Variants in PTPRD observed in about 807,000 individuals in gnomAD.
PTPRD encodes the protein protein tyrosine phosphatase receptor type D.
A neutral mutation model predicts 214.5 loss-of-function variants in PTPRD; 34 were observed. That is an observed-to-expected ratio of 0.16 (90% CI 0.12 to 0.21). The LOEUF (loss-of-function observed/expected upper bound fraction) is 0.21, where lower values mean the gene tolerates loss of function less well. PTPRD is among the 10% of genes least tolerant of loss of function. PTPRD has a pLI of 1.00. For synonymous variants in PTPRD, 1,128 were observed against 845.7 expected (o/e 1.33, Z -5.79); for missense variants, 2,545 against 2,398.7 (o/e 1.06, Z -1.27).
In PTPRD at chr9:9,576,513, C is replaced by G. The variant is rs183342037; in HGVS notation, c.-286-1732G>C. 2.8e-3 allele frequency among the ~76,000 whole-genome samples: 427 copies of G among 152,096 alleles called. 1 individual carries two copies. Among genetic ancestry groups the G allele is most frequent in the African/African-American group, 9.7e-3 (403 of 41,498 alleles). On this transcript the variant is annotated intron_variant, in intron 7 of 45. Transcript: ENST00000381196. ...GACATTTGTGAAAGGAGAATCCTCTCAAAAAAATCTAGTGTGATTTGAGAT... is the reference window on the plus strand; with the variant it reads ...GACATTTGTGAAAGGAGAATCCTCTGAAAAAAATCTAGTGTGATTTGAGAT...
At chr9:9,185,447 C>T (rs2099930777) in intron 9 of PTPRD, among the ~76,000 whole-genome samples, 1 of 152,022 alleles carries the variant, frequency 6.6e-6, no homozygotes, top group Non-Finnish European at 1.5e-5. Context: ...AAAGTCTCAC[C>T]CATCTGTCTC....
intron 3 of PTPRD, among the ~76,000 whole-genome samples, chr9:10,281,246 G>A (rs1269895988): frequency 6.6e-6 from 1 of 151,982 alleles, no homozygotes; most frequent in African/African-American, 2.4e-5. Context: ...ATATTTGAGT[G>A]GGAAATGGTG....
intron 36 of PTPRD, among the ~76,000 whole-genome samples, chr9:8,392,889 A>C (rs10815850): frequency 0.15 from 22,209 of 152,156 alleles, 2,073 homozygotes; most frequent in African/African-American, 0.26. Flanking sequence ...AAATTTTAGA[A>C]AGGATGGTGG....
intron 7 of PTPRD, among the ~76,000 whole-genome samples, chr9:9,720,084 C>T (rs1387446420): frequency 6.6e-6 from 1 of 152,076 alleles, no homozygotes; most frequent in Non-Finnish European, 1.5e-5. Context: ...TGAAACTAGC[C>T]CAGCAGGCAT....
At chr9:10,122,641 A>T (rs367705153) in intron 3 of PTPRD, among the ~76,000 whole-genome samples, 1 of 152,256 alleles carries the variant, frequency 6.6e-6, no homozygotes, top group African/African-American at 2.4e-5. Flanking sequence ...TCAATTAAAC[A>T]TTAGTGAGAA....
At chr9:9,458,841 G>A (rs954371768) in intron 8 of PTPRD, among the ~76,000 whole-genome samples, 2 of 152,090 alleles carry the variant, frequency 1.3e-5, no homozygotes, top group Non-Finnish European at 2.9e-5. Flanking sequence ...TTGGGAGGTT[G>A]AAGTGGAAGG....
intron 12 of PTPRD, among the ~76,000 whole-genome samples, chr9:8,702,121 A>T (rs780010580): frequency 2.6e-5 from 4 of 151,920 alleles, no homozygotes; most frequent in Non-Finnish European, 4.4e-5. Context: ...TTTTGTTCTC[A>T]TCTACTTTCA....
chr9:8,995,325 T>C (rs1430792556), intron 11 of PTPRD, among the ~76,000 whole-genome samples: 1 of 152,034 alleles, frequency 6.6e-6, no homozygotes, highest in Non-Finnish European at 1.5e-5. Context: ...ACAAGTAAAG[T>C]GATATGATGT....
At chr9:8,863,555 T>TA (rs1227539142) in intron 11 of PTPRD, among the ~76,000 whole-genome samples, 1 of 152,274 alleles carries the variant, frequency 6.6e-6, no homozygotes, top group Non-Finnish European at 1.5e-5. Context: ...GAAGGCCCAT[T>TA]AATGCATACA....
chr9:9,306,777 C>G (rs925908538), intron 9 of PTPRD, among the ~76,000 whole-genome samples: 3 of 152,008 alleles, frequency 2.0e-5, no homozygotes, highest in African/African-American at 7.2e-5. Context: ...AAATTTCTAA[C>G]TTTGTTAGCA....
chr9:10,518,596 A>G (rs1350287687), intron 2 of PTPRD, among the ~76,000 whole-genome samples: 1 of 151,320 alleles, frequency 6.6e-6, no homozygotes, highest in Non-Finnish European at 1.5e-5. Context: ...GCAGCGGCCC[A>G]ATCTTGGCTC....
chr9:8,392,603 T>G (rs1253960923), intron 36 of PTPRD, among the ~76,000 whole-genome samples: 1 of 152,172 alleles, frequency 6.6e-6, no homozygotes. Context: ...AGCAAATTAT[T>G]AAGCCAATGC....
chr9:8,779,818 T>G (rs1471632424), intron 11 of PTPRD, among the ~76,000 whole-genome samples: 2 of 109,908 alleles, frequency 1.8e-5, no homozygotes. Flanking sequence ...TTGTTGGTTT[T>G]TTTTTTTTTT....
chr9:8,775,743 G>C (rs1398190766), intron 11 of PTPRD, among the ~76,000 whole-genome samples: 2 of 151,996 alleles, frequency 1.3e-5, no homozygotes, highest in African/African-American at 2.4e-5. Flanking sequence ...CAGCACTTTG[G>C]GAGGCCAAGG....
Position 9,405,606 on chromosome 9 carries a change from G to A in PTPRD, c.-236-8124C>T, listed in dbSNP as rs561796768. Among the ~76,000 whole-genome samples, 9 of 152,140 alleles carry A rather than the reference G, an allele frequency of 5.9e-5. No homozygotes were observed. The East Asian group carries it at 1.7e-3, about 29-fold the overall frequency. ...TTGTAAATTCAGGACTTGTGCTTTA[G>A]CTAAGTTATAGTTCGGGTTTGTGCT... On this transcript the variant is annotated intron_variant, in intron 8 of 45. Transcript: ENST00000381196.
chr9:10,126,426 TACACACACACAC>T (rs57563877), intron 3 of PTPRD, among the ~76,000 whole-genome samples: 31 of 96,244 alleles, frequency 3.2e-4, no homozygotes, highest in African/African-American at 4.4e-4. Flanking sequence ...GTTTTATATA[TACACACACACAC>T]ACACACACAC....
At chr9:9,029,234 G>T (rs1392633258) in intron 10 of PTPRD, among the ~76,000 whole-genome samples, 3 of 151,714 alleles carry the variant, frequency 2.0e-5, no homozygotes, top group Non-Finnish European at 2.9e-5. Context: ...GTTCATATTT[G>T]CGACTTGCAT....
chr9:9,166,244 C>T (rs1383010203), intron 10 of PTPRD, among the ~76,000 whole-genome samples: 1 of 151,020 alleles, frequency 6.6e-6, no homozygotes, highest in Non-Finnish European at 1.5e-5. Context: ...TTGAGAGAAA[C>T]AAAAATATAT....
intron 2 of PTPRD, among the ~76,000 whole-genome samples, chr9:10,407,335 C>A (rs1488171026): frequency 1.3e-5 from 2 of 151,646 alleles, no homozygotes; most frequent in African/African-American, 4.8e-5. Flanking sequence ...CCACTCAAGA[C>A]ACACAGATGT....
Sources: gnomAD v4.1 joint callset for allele counts (sites outside exome capture counted in the v4.1 genomes callset) on GRCh38, gnomAD v4.1.1 for gene constraint, MANE v1.5 for transcripts, NCBI Gene and HGNC (gene_info 2026-07-23, HGNC 2026-07-21) for gene names.